LRRC57: variants seen among roughly 807,000 people sequenced by gnomAD.
The protein encoded by LRRC57 is leucine-rich repeat-containing protein 57.
LRRC57 carries 14 observed loss-of-function variants against 23.1 expected under a neutral mutation model. The ratio of observed to expected loss-of-function variants is 0.61; its 90% confidence interval spans 0.40 to 0.95. The LOEUF (loss-of-function observed/expected upper bound fraction) is 0.95. Among genes scored for constraint, LRRC57 ranks in the 40% least tolerant of loss-of-function variants. LRRC57 has a pLI of 0.00. For synonymous variants in LRRC57, 106 were observed against 115.2 expected (o/e 0.92, Z 0.51); for missense variants, 236 against 284.4 (o/e 0.83, Z 1.22).
downstream of LRRC57, chr15:42,537,749 C>T (rs554016724): frequency 2.4e-4 from 36 of 152,282 alleles, no homozygotes; most frequent in African/African-American, 7.9e-4. Flanking sequence ...CATGAATACA[C>T]TGGAGGTGTA....
At chr15:42,528,385 A>C in the LRRC57 span, 35 of 1,614,054 alleles carry the variant, frequency 2.2e-5, no homozygotes, top group Non-Finnish European at 3.0e-5. Flanking sequence ...TTCAGCAACC[A>C]ACAACGGGAG....
chr15:42,544,840 C>CTATATATATATATATAT (rs1167773259), intron 5 of LRRC57, among the ~76,000 whole-genome samples: 10 of 108,928 alleles, frequency 9.2e-5, no homozygotes, highest in African/African-American at 4.5e-4. Flanking sequence ...CACACACACA[C>CTATATATATATATATAT]ACTATATATA....
rs954970712 is a variant in LRRC57, at chr15:42,547,849, T to C, written c.223+257A>G. 5 of 554,662 alleles carry C rather than the reference T, an allele frequency of 9.0e-6. No individual in the cohort carries two copies. In the Admixed American group the frequency reaches 1.0e-4, roughly 12 times the overall value. 34.4% of individuals were successfully genotyped at this position (554,662 alleles called of 1,614,324 possible). A position where few individuals can be genotyped will look rare whatever the true frequency, so the allele number is the denominator to read the frequency against. On this transcript the variant is annotated intron_variant, in intron 3 of 5. Coordinates refer to ENST00000397130, the MANE Select transcript of LRRC57 (RefSeq NM_153260.3). ...CCCCATTCCAAGTTAGGTAGCTTTGTTTACATTACATCCCCAAAATGTTCT... is the reference window on the plus strand; with the variant it reads ...CCCCATTCCAAGTTAGGTAGCTTTGCTTACATTACATCCCCAAAATGTTCT...
chr15:42,538,190 G>C lies in LRRC57; in HGVS notation c.*5893C>G, dbSNP rs1406881512. 6.6e-6 allele frequency: 1 copy of C among 152,072 alleles called. No homozygotes were observed. Among genetic ancestry groups the C allele is most frequent in the African/African-American group, 2.4e-5 (1 of 41,408 alleles). The allele number at this position is 152,072 out of a possible 1,614,324, so 9.4% of individuals were successfully genotyped here. On this transcript the variant is annotated 3_prime_UTR_variant, in exon 6 of 6. Coordinates refer to ENST00000397130, the MANE Select transcript of LRRC57 (RefSeq NM_153260.3). Reference sequence around the variant, plus strand: ...TGAACAAATATATATCAGAAAAATAGTAAAGTGAAAAAGGAAAACAAAGTA... The same window carrying C: ...TGAACAAATATATATCAGAAAAATACTAAAGTGAAAAAGGAAAACAAAGTA...
At chr15:42,537,229 T>TCA (rs1445243515), downstream of LRRC57, among the ~76,000 whole-genome samples, 15 of 109,048 alleles carry the variant, frequency 1.4e-4, no homozygotes, top group South Asian at 8.9e-4. Context: ...TCTCTCTCTC[T>TCA]CTCTCACACA....
intron 3 of LRRC57, 37 bp downstream of exon 3, chr15:42,548,069 T>G: frequency 6.2e-7 from 1 of 1,612,064 alleles, no homozygotes; most frequent in South Asian, 1.1e-5. Context: ...TGGTAACAGC[T>G]GATCACTAGC....
chr15:42,539,477 C>CAAAAAAAAAAAAAAAAAA lies in LRRC57; in HGVS notation c.*4588_*4605dup, dbSNP rs1164646488. 28 of 43,658 alleles carry CAAAAAAAAAAAAAAAAAA rather than the reference C, an allele frequency of 6.4e-4. 2 individuals are homozygous for CAAAAAAAAAAAAAAAAAA. Among genetic ancestry groups the CAAAAAAAAAAAAAAAAAA allele is most frequent in the African/African-American group, 2.8e-3 (26 of 9,222 alleles). The allele number at this position is 43,658 out of a possible 1,614,324, so 2.7% of individuals were successfully genotyped here. ...TGGGCGAAACAGACAGCCTCTGTCT[C>CAAAAAAAAAAAAAAAAAA]AAAAAAAAAAAAAAAAAAAAAGAGA... On this transcript the variant is annotated 3_prime_UTR_variant, in exon 6 of 6. Coordinates refer to ENST00000397130, the MANE Select transcript of LRRC57 (RefSeq NM_153260.3).
At chr15:42,531,639 C>A in the LRRC57 span, 1 of 491,844 alleles carries the variant, frequency 2.0e-6, no homozygotes, top group South Asian at 3.7e-5. Flanking sequence ...TTTTTGTTTT[C>A]TGTTGAGGGC....
At chr15:42,536,753 T>C (rs1350420693), downstream of LRRC57, among the ~76,000 whole-genome samples, 1 of 152,224 alleles carries the variant, frequency 6.6e-6, no homozygotes, top group Non-Finnish European at 1.5e-5. Flanking sequence ...AGGTAGTAAA[T>C]GGTTAACACA....
At chr15:42,529,921 C>T in the LRRC57 span, 4 of 1,287,810 alleles carry the variant, frequency 3.1e-6, no homozygotes, top group Non-Finnish European at 1.1e-6. Context: ...AGAATAAGCT[C>T]CTGTCCTCAT....
rs1439491244 is a variant in LRRC57, at chr15:42,542,387, G to A, written c.*1696C>T. ...AAGCATAGTTCTAGTATCACAAAAT[G>A]TTTATGTCACATGAAGGCATTTCAC... is the stretch of plus-strand genomic sequence containing the variant. On this transcript the variant is annotated 3_prime_UTR_variant, in exon 6 of 6. Coordinates refer to ENST00000397130, the MANE Select transcript of LRRC57 (RefSeq NM_153260.3). 6.6e-6 allele frequency: 1 copy of A among 152,158 alleles called. No homozygotes were observed. Among genetic ancestry groups the A allele is most frequent in the East Asian group, 1.9e-4 (1 of 5,200 alleles). The allele number at this position is 152,158 out of a possible 1,614,324, so 9.4% of individuals were successfully genotyped here.
rs2057635584 is a variant in LRRC57 at position 42,542,478 on chromosome 15, C to G, written c.*1605G>C. On this transcript the variant is annotated 3_prime_UTR_variant, in exon 6 of 6. Coordinates refer to ENST00000397130, the MANE Select transcript of LRRC57 (RefSeq NM_153260.3). ...TAATCTATTTATAGGTTTAAGTTCT[C>G]CTGTCCTCCTCCTTTAAAGGATTAA... 6.6e-6 allele frequency: 1 copy of G among 152,424 alleles called. No homozygotes were observed. The highest frequency in any genetic ancestry group is 1.5e-5 in the Non-Finnish European group (1 of 68,030). 9.4% of individuals were successfully genotyped at this position (152,424 alleles called of 1,614,324 possible).
rs1378132670 is a variant in LRRC57 at position 42,542,348 on chromosome 15, C to CA, written c.*1734dup. 1 of 152,206 alleles carries CA rather than the reference C, an allele frequency of 6.6e-6. No individual in the cohort carries two copies. Among genetic ancestry groups the CA allele is most frequent in the Non-Finnish European group, 1.5e-5 (1 of 68,056 alleles). The allele number at this position is 152,206 out of a possible 1,614,324, so 9.4% of individuals were successfully genotyped here. A position where few individuals can be genotyped will look rare whatever the true frequency, so the allele number is the denominator to read the frequency against. ...AGGCGTGAGCCACCGCGCCCAACCTCAGATTCTCTTAATAAGCATAGTTCT... is the reference window on the plus strand; with the variant it reads ...AGGCGTGAGCCACCGCGCCCAACCTCAAGATTCTCTTAATAAGCATAGTTCT... On this transcript the variant is annotated 3_prime_UTR_variant, in exon 6 of 6. Transcript: ENST00000397130.
chr15:42,544,008 A>C lies in LRRC57; in HGVS notation c.*75T>G, dbSNP rs2057644069. On this transcript the variant is annotated 3_prime_UTR_variant, in exon 6 of 6. Coordinates refer to ENST00000397130, the MANE Select transcript of LRRC57 (RefSeq NM_153260.3). Reference sequence around the variant, plus strand: ...TGTAGATACCCCTAACAACAACAGGAGGCTTTGACTCAGCCACATTCCAAC... The same window carrying C: ...TGTAGATACCCCTAACAACAACAGGCGGCTTTGACTCAGCCACATTCCAAC... The C allele has an allele frequency of 8.5e-7, 1 of 1,179,046 alleles. No homozygotes were observed. The highest frequency in any genetic ancestry group is 1.5e-5 in the African/African-American group (1 of 65,614). 73.0% of individuals were successfully genotyped at this position (1,179,046 alleles called of 1,614,324 possible). A position where few individuals can be genotyped will look rare whatever the true frequency, so the allele number is the denominator to read the frequency against.
At chr15:42,548,638 G>C (rs1026459320) in intron 1 of LRRC57, 55 bp downstream of exon 1, 1 of 632,806 alleles carries the variant, frequency 1.6e-6, no homozygotes, top group Admixed American at 2.9e-5. Context: ...TTGCAGCTCT[G>C]CGGAGGCCAG....
At chr15:42,546,201 C>T (rs1172381410) in intron 4 of LRRC57, among the ~76,000 whole-genome samples, 2 of 152,186 alleles carry the variant, frequency 1.3e-5, no homozygotes, top group African/African-American at 4.8e-5. Context: ...CAATAACTAG[C>T]AATGCAAGTT....
At chr15:42,529,903 G>A in the LRRC57 span, 2 of 1,422,378 alleles carry the variant, frequency 1.4e-6, no homozygotes, top group Non-Finnish European at 1.9e-6. Flanking sequence ...TACTGTGGGG[G>A]ACACGGTAGA....
chr15:42,530,292 A>G, the LRRC57 span, among the ~76,000 whole-genome samples: 1 of 152,184 alleles, frequency 6.6e-6, no homozygotes, highest in African/African-American at 2.4e-5. Flanking sequence ...TCATCTCATG[A>G]AAGAGTCCGT....
chr15:42,548,780 C>CG lies in LRRC57; in HGVS notation c.-111dup, dbSNP rs898258966. 5 of 910,750 alleles carry CG rather than the reference C, an allele frequency of 5.5e-6. No homozygotes were observed. Among genetic ancestry groups the CG allele is most frequent in the Admixed American group, 2.5e-5 (1 of 39,982 alleles). 56.4% of individuals were successfully genotyped at this position (910,750 alleles called of 1,614,324 possible). The stretch of plus-strand genomic sequence containing the variant: ...ATGCGCTCCCCGGCTTAGTCCCGGG[C>CG]GGGAACGCCCTGTGACGTCATCGAG... On this transcript the variant is annotated 5_prime_UTR_variant, in exon 1 of 6. Coordinates refer to ENST00000397130, the MANE Select transcript of LRRC57 (RefSeq NM_153260.3).
Sources: allele counts gnomAD v4.1 joint callset (sites outside exome capture counted in the v4.1 genomes callset), GRCh38; gene constraint gnomAD v4.1.1; transcripts MANE v1.5; gene names NCBI Gene and HGNC (gene_info 2026-07-23, HGNC 2026-07-21).